Variants in SHISA9 observed in about 807,000 individuals in gnomAD.
SHISA9 encodes the protein protein shisa-9.
In SHISA9, 13 loss-of-function variants were observed where a neutral mutation model predicts 38.0. The ratio of observed to expected loss-of-function variants is 0.34; its 90% CI spans 0.22 to 0.54. The LOEUF (loss-of-function observed/expected upper bound fraction) is 0.54, where lower values mean the gene tolerates loss of function less well. Ranked by LOEUF, SHISA9 falls within the 20% of genes least tolerant of loss-of-function variation. The pLI is 0.91. For missense variants in SHISA9, 538 were observed against 575.8 expected (o/e 0.93, Z 0.67); for synonymous variants, 275 against 242.0 (o/e 1.14, Z -1.27).
chr16:13,510,191 C>A, the SHISA9 span, among the ~76,000 whole-genome samples: 1 of 152,070 alleles, frequency 6.6e-6, no homozygotes, highest in African/African-American at 2.4e-5. Context: ...ACCTGTAATC[C>A]CAGCTACACG....
At chr16:13,354,611 T>C in the SHISA9 span, among the ~76,000 whole-genome samples, 3 of 147,730 alleles carry the variant, frequency 2.0e-5, no homozygotes, top group South Asian at 6.7e-4. Context: ...GCATAGTTTG[T>C]GATTTTGAGG....
the SHISA9 span, among the ~76,000 whole-genome samples, chr16:13,440,835 T>C: frequency 6.7e-6 from 1 of 150,222 alleles, no homozygotes; most frequent in African/African-American, 2.5e-5. Flanking sequence ...GGCAGGAGAG[T>C]CGTTTGAACC....
rs59176865 is a variant in SHISA9 at position 12,994,549 on chromosome 16, G to A, written c.691+77734G>A. On this transcript the variant is annotated intron_variant, in intron 2 of 4. Transcript: ENST00000558583. ...ATTTATGGTGGTGGTGGTAGTGGTG[G>A]TGGGTGGTTCTTCAGCCTGCCTTCT... Among the ~76,000 whole-genome samples the A allele has an allele frequency of 5.3e-4, 80 of 152,316 alleles. 1 individual carries two copies. The highest frequency in any genetic ancestry group is 1.8e-3 in the African/African-American group (76 of 41,560).
chr16:13,016,611 G>C (rs1262388420), intron 2 of SHISA9, among the ~76,000 whole-genome samples: 3 of 152,068 alleles, frequency 2.0e-5, no homozygotes, highest in Non-Finnish European at 4.4e-5. Flanking sequence ...TGCCGTTTTT[G>C]TTTATATTAG....
intron 2 of SHISA9, among the ~76,000 whole-genome samples, chr16:12,969,949 AG>A (rs1596555745): frequency 6.6e-6 from 1 of 152,104 alleles, no homozygotes. Flanking sequence ...AAAGATATGC[AG>A]GGAAAAAATA....
At chr16:13,307,434 G>C in the SHISA9 span, among the ~76,000 whole-genome samples, 1 of 152,180 alleles carries the variant, frequency 6.6e-6, no homozygotes, top group African/African-American at 2.4e-5. Context: ...TGGTGTGAAA[G>C]GGGATACGCT....
the SHISA9 span, among the ~76,000 whole-genome samples, chr16:13,300,818 T>C: frequency 4.5e-4 from 67 of 149,650 alleles, no homozygotes; most frequent in East Asian, 0.01. Flanking sequence ...GGCTCTGTGA[T>C]AAAATCTCCC....
At chr16:12,968,164 T>G (rs1488544045) in intron 2 of SHISA9, among the ~76,000 whole-genome samples, 1 of 117,582 alleles carries the variant, frequency 8.5e-6, no homozygotes, top group African/African-American at 3.3e-5. Flanking sequence ...CACTCCAGCC[T>G]GGGTGACAGA....
chr16:12,989,301 C>T (rs1057331262), intron 2 of SHISA9, among the ~76,000 whole-genome samples: 3 of 152,192 alleles, frequency 2.0e-5, no homozygotes, highest in African/African-American at 7.2e-5. Flanking sequence ...CCTCAGCCTC[C>T]TGAGTAGCTG....
chr16:12,963,876 C>T (rs2071943818), intron 2 of SHISA9, among the ~76,000 whole-genome samples: 1 of 152,210 alleles, frequency 6.6e-6, no homozygotes, highest in African/African-American at 2.4e-5. Flanking sequence ...AGCATTTTTA[C>T]ATGTTTTGGA....
the SHISA9 span, among the ~76,000 whole-genome samples, chr16:13,341,807 C>T: frequency 6.6e-6 from 1 of 152,152 alleles, no homozygotes; most frequent in Non-Finnish European, 1.5e-5. Context: ...CCTATCTATA[C>T]GTAGCAGAGA....
At chr16:12,956,949 T>G (rs2141785440) in intron 2 of SHISA9, among the ~76,000 whole-genome samples, 1 of 152,338 alleles carries the variant, frequency 6.6e-6, no homozygotes, top group East Asian at 1.9e-4. Flanking sequence ...TTAACAATAA[T>G]GTATATATAT....
At chr16:13,259,380 T>C in the SHISA9 span, among the ~76,000 whole-genome samples, 1 of 152,176 alleles carries the variant, frequency 6.6e-6, no homozygotes, top group African/African-American at 2.4e-5. Flanking sequence ...CTGTGGCTTT[T>C]TGAGGCACAT....
the SHISA9 span, among the ~76,000 whole-genome samples, chr16:13,280,786 T>G: frequency 6.6e-6 from 1 of 151,658 alleles, no homozygotes; most frequent in Non-Finnish European, 1.5e-5. Context: ...ATATAAGAAT[T>G]ATAACTATAA....
chr16:13,335,315 T>G, the SHISA9 span, among the ~76,000 whole-genome samples: 1 of 152,164 alleles, frequency 6.6e-6, no homozygotes, highest in Non-Finnish European at 1.5e-5. Context: ...GGGAGAAAGT[T>G]TGCAGAGGAA....
the SHISA9 span, among the ~76,000 whole-genome samples, chr16:13,360,202 C>T: frequency 6.6e-6 from 1 of 152,192 alleles, no homozygotes; most frequent in Non-Finnish European, 1.5e-5. Context: ...TGAGTTAGTG[C>T]AAGACCACTC....
the SHISA9 span, among the ~76,000 whole-genome samples, chr16:13,537,536 G>T: frequency 2.0e-5 from 3 of 152,136 alleles, no homozygotes; most frequent in African/African-American, 7.2e-5. Context: ...ACTACTTATT[G>T]TTGTATTATG....
At chr16:13,419,023 C>G in the SHISA9 span, among the ~76,000 whole-genome samples, 1 of 152,164 alleles carries the variant, frequency 6.6e-6, no homozygotes, top group South Asian at 2.1e-4. Flanking sequence ...TTGAAGAAAA[C>G]TTTAGTAAAA....
intron 2 of SHISA9, among the ~76,000 whole-genome samples, chr16:12,969,769 AT>A (rs919185038): frequency 3.9e-5 from 6 of 152,184 alleles, no homozygotes; most frequent in South Asian, 4.1e-4. Context: ...ACCAAAAAAA[AT>A]GTTCTTCAGT....
Sources: allele counts gnomAD v4.1 joint callset (sites outside exome capture counted in the v4.1 genomes callset), GRCh38; gene constraint gnomAD v4.1.1; transcripts MANE v1.5; gene names NCBI Gene and HGNC (gene_info 2026-07-23, HGNC 2026-07-21).